MYO18A: variants seen among roughly 807,000 people sequenced by gnomAD.
The protein encoded by MYO18A is unconventional myosin-XVIIIa.
A neutral mutation model predicts 235.8 loss-of-function variants in MYO18A; 78 were observed. That is an observed-to-expected ratio of 0.33 (90% CI 0.28 to 0.40). The LOEUF is 0.40. Ranked by LOEUF, MYO18A falls within the 10% of genes least tolerant of loss-of-function variation. The probability of loss-of-function intolerance (pLI) is 1.00; values close to 1 mark genes in which losing one functional copy is unlikely to be tolerated. For missense variants in MYO18A, 2,215 were observed against 2,699.3 expected, an observed-to-expected ratio of 0.82 and a Z score of 3.98; for synonymous variants, 977 against 1,077.8, an observed-to-expected ratio of 0.91 and a Z score of 1.83.
intron 22 of MYO18A, 107 bp from the exon 23 acceptor site, chr17:29,099,076 T>C: frequency 7.1e-7 from 1 of 1,407,156 alleles, no homozygotes; most frequent in Non-Finnish European, 9.8e-7. Context: ...GCTGCTCCTC[T>C]GGCCCCCTGA....
At position 29,098,120 on chromosome 17, in the gene MYO18A, C is replaced by G. The variant is rs368320786; in HGVS notation, c.3975G>C (p.Glu1325Asp). 8.5e-5 allele frequency: 137 copies of G among 1,613,450 alleles called. No individual in the cohort carries two copies. Among genetic ancestry groups the G allele is most frequent in the Non-Finnish European group, 1.1e-4 (127 of 1,179,896 alleles). ...CTGCCCTCACCTGCAGTTCCTTCAT[C>G]TCCTTCTCAGCCCGGAGCCTCTCTG... ...ETAERLRAEK[E>D]MKELQTQYDA... Residue 1325 changes from glutamate to aspartate, a missense_variant, in exon 25 of 42, where the codon GAG (glutamate) becomes GAC (aspartate). Glu to Asp is a conservative substitution (Grantham distance 45). Transcript: ENST00000527372.
chr17:29,118,578 G>A lies in MYO18A; in HGVS notation c.1830-138C>T. The A allele has an allele frequency of 1.3e-6, 1 of 753,270 alleles. No individual in the cohort carries two copies. Among genetic ancestry groups the A allele is most frequent in the East Asian group, 2.7e-5 (1 of 36,426 alleles). The allele number at this position is 753,270 out of a possible 1,614,324, so 46.7% of individuals were successfully genotyped here. A position where few individuals can be genotyped will look rare whatever the true frequency, so the allele number is the denominator to read the frequency against. Reference sequence around the variant, plus strand: ...ATCATCCCATCATCCCCAACTGGCGGGCCAGCTGTCACTGCTTTCCTAACT... The same window carrying A: ...ATCATCCCATCATCCCCAACTGGCGAGCCAGCTGTCACTGCTTTCCTAACT... On this transcript the variant is annotated intron_variant, in intron 8 of 41. Transcript: ENST00000527372. The surrounding 1 kb of genome is among the most constrained non-coding windows in gnomAD (Gnocchi z 4.2).
intron 37 of MYO18A, among the ~76,000 whole-genome samples, chr17:29,088,618 C>T (rs1339262727): frequency 1.3e-5 from 2 of 152,138 alleles, no homozygotes; most frequent in Middle Eastern, 3.2e-3. Flanking sequence ...CTTATAAACT[C>T]AAGGAGAACT....
rs760548045 is a variant in MYO18A, at chr17:29,114,030, T to C, written c.2579A>G (p.Gln860Arg). Residue 860 changes from glutamine (Q) to arginine (R), a missense_variant, in exon 15 of 42, where the codon CAG becomes CGG. Physicochemically the swap from Gln to Arg is conservative, Grantham distance 43 (BLOSUM62 1). Transcript: ENST00000527372. ...TCCTACCAGGGACTGATGGGAGGCC[T>C]GGTCCACAGCAGCCACAGAGTCATC... is the stretch of plus-strand genomic sequence containing the variant. ...PTDDSVAAVD[Q>R]ASHQSLVRSL... The C allele has an allele frequency of 6.3e-7, 1 of 1,599,942 alleles. No homozygotes were observed. Among genetic ancestry groups the C allele is most frequent in the Non-Finnish European group, 8.5e-7 (1 of 1,173,680 alleles).
rs140812565 is a variant in MYO18A at position 29,100,115 on chromosome 17, G to A, written c.3508-353C>T. Among the ~76,000 whole-genome samples, 341 of 152,334 alleles carry A rather than the reference G, an allele frequency of 2.2e-3. 1 individual carries two copies. The highest frequency in any genetic ancestry group is 7.5e-3 in the African/African-American group (312 of 41,574). ...GGGGCGTCCTGCCACATCTGTGAGG[G>A]CTTCCTCACCCAGGACTGCCAGCAA... On this transcript the variant is annotated intron_variant, in intron 21 of 41. Transcript: ENST00000527372.
At chr17:29,114,791 A>C (rs1598327390) in intron 14 of MYO18A, 116 bp downstream of exon 14, 1 of 1,095,974 alleles carries the variant, frequency 9.1e-7, no homozygotes, top group East Asian at 2.6e-5. Flanking sequence ...TGCTCCAGAG[A>C]GCGCAGGAGG....
intron 2 of MYO18A, among the ~76,000 whole-genome samples, chr17:29,122,921 C>A (rs903700599): frequency 1.3e-5 from 2 of 152,238 alleles, no homozygotes; most frequent in African/African-American, 4.8e-5. Flanking sequence ...TCAGCAAAGA[C>A]CCCTGTCACA....
At chr17:29,084,371 A>G (rs1005427488) in intron 40 of MYO18A, among the ~76,000 whole-genome samples, 1 of 152,146 alleles carries the variant, frequency 6.6e-6, no homozygotes, top group Non-Finnish European at 1.5e-5. Flanking sequence ...TACATACAGA[A>G]CAGTGGATGG....
intron 2 of MYO18A, among the ~76,000 whole-genome samples, chr17:29,139,730 T>G (rs754873767): frequency 1.3e-5 from 2 of 152,078 alleles, no homozygotes. Context: ...AAAAGAGACT[T>G]AGGGCCAGTC....
Position 29,140,594 on chromosome 17 carries a change from A to G in MYO18A, c.1000-18341T>C. 2 of 261,290 alleles carry G rather than the reference A, an allele frequency of 7.7e-6. No homozygotes were observed. Among genetic ancestry groups the G allele is most frequent in the South Asian group, 3.6e-5 (1 of 27,452 alleles). The allele number at this position is 261,290 out of a possible 1,614,324, so 16.2% of individuals were successfully genotyped here. A position where few individuals can be genotyped will look rare whatever the true frequency, so the allele number is the denominator to read the frequency against. The stretch of plus-strand genomic sequence containing the variant: ...GGGAAGGAGAAGGCTCTTAGGGTAA[A>G]GCCATTGGGGTGGGGGGCAGGCAGT... On this transcript the variant is annotated intron_variant, in intron 2 of 41. Transcript: ENST00000527372. The surrounding 1 kb of genome is among the most constrained non-coding windows in gnomAD (Gnocchi z 4.2).
intron 37 of MYO18A, among the ~76,000 whole-genome samples, chr17:29,088,949 G>A (rs999374446): frequency 6.6e-6 from 1 of 151,282 alleles, no homozygotes; most frequent in African/African-American, 2.4e-5. Context: ...GAGGCAGGAG[G>A]ATGGGAGGAT....
intron 1 of MYO18A, among the ~76,000 whole-genome samples, chr17:29,170,899 C>G (rs549471099): frequency 1.1e-4 from 17 of 152,138 alleles, no homozygotes; most frequent in Non-Finnish European, 2.2e-4. Context: ...AAAGAAACAA[C>G]TAAAGATACA....
Position 29,095,018 on chromosome 17 carries a change from C to A in MYO18A, c.4427G>T (p.Arg1476Leu). 1 of 1,576,910 alleles carries A rather than the reference C, an allele frequency of 6.3e-7. No individual in the cohort carries two copies. The highest frequency in any genetic ancestry group is 2.3e-5 in the East Asian group (1 of 42,878). ...CAGCTTCTCCCGCTGCAGCTTCTCC[C>A]GCTGGGCCTCCTCATGCGCCTGCGA... is the stretch of plus-strand genomic sequence containing the variant. ...ELSQAHEEAQ[R>L]EKLQREKLQR... The change falls in exon 29 of 42, where the codon CGG (arginine) becomes CTG (leucine). Residue 1476 changes from arginine to leucine, a missense_variant. Coordinates refer to ENST00000527372, the MANE Select transcript of MYO18A (RefSeq NM_078471.4).
intron 1 of MYO18A, among the ~76,000 whole-genome samples, chr17:29,175,136 AAC>A (rs1335053854): frequency 6.6e-6 from 1 of 152,006 alleles, no homozygotes; most frequent in Non-Finnish European, 1.5e-5. Flanking sequence ...TTTTTTAAAT[AAC>A]AGAGATGGGG....
intron 2 of MYO18A, among the ~76,000 whole-genome samples, chr17:29,152,886 T>A (rs2067988450): frequency 1.3e-5 from 2 of 151,922 alleles, no homozygotes; most frequent in Admixed American, 6.6e-5. Context: ...ACTGGGCTAA[T>A]ATTTTTACTT....
rs762990540 is a variant in MYO18A, at chr17:29,071,761, G to A, written c.*3009C>T. On this transcript the variant is annotated 3_prime_UTR_variant, in exon 42 of 42. Coordinates refer to ENST00000527372, the MANE Select transcript of MYO18A (RefSeq NM_078471.4). ...TCCACATGGGTCTGCTCCAGCCCTC[G>A]TCCGCAAAACCCTGGAGGATGGATA... is the stretch of plus-strand genomic sequence containing the variant. The A allele has an allele frequency of 2.0e-5, 3 of 152,120 alleles. No homozygotes were observed. Among genetic ancestry groups the A allele is most frequent in the Non-Finnish European group, 2.9e-5 (2 of 68,054 alleles). 9.4% of individuals were successfully genotyped at this position (152,120 alleles called of 1,614,324 possible). A position where few individuals can be genotyped will look rare whatever the true frequency, so the allele number is the denominator to read the frequency against.
chr17:29,113,579 C>T (rs1020932985), intron 15 of MYO18A, among the ~76,000 whole-genome samples: 5 of 152,210 alleles, frequency 3.3e-5, no homozygotes, highest in African/African-American at 9.6e-5. Flanking sequence ...TGTTAGGTTG[C>T]ACCAGTCCTC....
chr17:29,080,476 G>C, intron 41 of MYO18A: 2 of 986,132 alleles, frequency 2.0e-6, no homozygotes, highest in South Asian at 4.7e-5. Context: ...CCGGCCCAGG[G>C]ACAGGCGAGA....
At chr17:29,086,909 G>C (rs1317049617) in intron 38 of MYO18A, 27 bp downstream of exon 38, 1 of 1,595,372 alleles carries the variant, frequency 6.3e-7, no homozygotes, top group Non-Finnish European at 8.5e-7. Context: ...CTGCCATGTG[G>C]GCCCCGTGGG....
Sources: allele counts gnomAD v4.1 joint callset (sites outside exome capture counted in the v4.1 genomes callset), GRCh38; gene constraint gnomAD v4.1.1; non-coding constraint Gnocchi (gnomAD v3.1); transcripts MANE v1.5; gene names NCBI Gene and HGNC (gene_info 2026-07-23, HGNC 2026-07-21).